MAD2L2: variants seen among roughly 807,000 people sequenced by gnomAD.
MAD2L2 encodes mitotic spindle assembly checkpoint protein MAD2B.
MAD2L2 carries 17 observed loss-of-function variants against 30.5 expected under a neutral mutation model. That is an observed-to-expected ratio of 0.56 (90% CI 0.38 to 0.84). MAD2L2 has a LOEUF of 0.84. Ranked by LOEUF, MAD2L2 falls within the 40% of genes least tolerant of loss-of-function variation. The probability of loss-of-function intolerance (pLI) is 0.00; values close to 1 mark genes in which losing one functional copy is unlikely to be tolerated. For missense variants in MAD2L2, 213 were observed against 277.4 expected (o/e 0.77, Z 1.65); for synonymous variants, 101 against 113.9 (o/e 0.89, Z 0.72).
chr1:11,689,559 G>A (rs1407555457), intron 1 of MAD2L2, among the ~76,000 whole-genome samples: 1 of 152,002 alleles, frequency 6.6e-6, no homozygotes, highest in African/African-American at 2.4e-5. Flanking sequence ...TTGTGCCACT[G>A]CACTCCAGCC....
At chr1:11,683,324 C>T (rs2100715965), upstream of MAD2L2, among the ~76,000 whole-genome samples, 1 of 152,294 alleles carries the variant, frequency 6.6e-6, no homozygotes, top group Non-Finnish European at 1.5e-5. Context: ...GACATAAACT[C>T]AACTGTCATT....
chr1:11,686,774 G>C (rs1640963298), intron 1 of MAD2L2, among the ~76,000 whole-genome samples: 1 of 129,062 alleles, frequency 7.7e-6, no homozygotes, highest in Non-Finnish European at 1.6e-5. Context: ...GGGCCACAAG[G>C]TAAGAACTTT....
rs144707682 is a variant in MAD2L2 at position 11,689,616 on chromosome 1, G to A, written c.-692+1797C>T. On this transcript the variant is annotated intron_variant, in intron 1 of 10. Transcript: ENST00000235310. ...CTCAAAAAGAAAAACAAAAGGCGGG[G>A]GGAGGGGAGAAGCATGAATAATCCA... Among the ~76,000 whole-genome samples, 766 of 152,268 alleles carry A rather than the reference G, an allele frequency of 5.0e-3. 8 individuals are homozygous for A. The highest frequency in any genetic ancestry group is 0.016 in the African/African-American group (653 of 41,552).
Position 11,680,337 on chromosome 1 carries a change from C to G in MAD2L2, c.159+16G>C. On this transcript the variant is annotated intron_variant, in intron 3 of 8. Coordinates refer to ENST00000376692, the MANE Select transcript of MAD2L2 (RefSeq NM_006341.4). ...TCCACCCTGTACCCACTCTGTGGTT[C>G]TGGGACGTGCCTCACCTGGACCGGC... 1 of 1,606,222 alleles carries G rather than the reference C, an allele frequency of 6.2e-7. No homozygotes were observed. Among genetic ancestry groups the G allele is most frequent in the Non-Finnish European group, 8.5e-7 (1 of 1,173,548 alleles).
chr1:11,675,894 A>G (rs1400290319), intron 6 of MAD2L2, 152 bp downstream of exon 6: 2 of 871,404 alleles, frequency 2.3e-6, no homozygotes, highest in Non-Finnish European at 3.9e-6. Flanking sequence ...GAAGCCAGGT[A>G]GAATCAATCA....
At chr1:11,680,255 C>A in intron 3 of MAD2L2, 98 bp downstream of exon 3, 1 of 1,031,180 alleles carries the variant, frequency 9.7e-7, no homozygotes, top group Non-Finnish European at 1.4e-6. Context: ...CTCGGCCTCC[C>A]AAAGTGCTAG....
At chr1:11,677,657 T>C in intron 3 of MAD2L2, 43 bp from the exon 4 acceptor site, 1 of 1,541,570 alleles carries the variant, frequency 6.5e-7, no homozygotes, top group Non-Finnish European at 8.9e-7. Context: ...AAAGCACAGA[T>C]GGGGAAACCA....
intron 4 of MAD2L2, 184 bp downstream of exon 4, chr1:11,677,359 A>G (rs1185149815): frequency 1.6e-6 from 1 of 639,886 alleles, no homozygotes; most frequent in East Asian, 2.7e-5. Flanking sequence ...CATGGCCCGC[A>G]TGCCTTGGGG....
rs2233015 is a variant in MAD2L2, at chr1:11,680,478, G to T, written c.41-7C>A. 5.6e-3 allele frequency: 8,968 copies of T among 1,613,290 alleles called. 90 individuals carry two copies. The highest frequency in any genetic ancestry group is 0.035 in the African/African-American group (2,620 of 74,998). Reference sequence around the variant, plus strand: ...CAGAGCACATCGGCCACCACTGCAGGGGGGCACAAGCCGGTGGCGCGCTCG... The same window carrying T: ...CAGAGCACATCGGCCACCACTGCAGTGGGGCACAAGCCGGTGGCGCGCTCG... On this transcript the variant is annotated splice_polypyrimidine_tract_variant and splice_region_variant and intron_variant, in intron 2 of 8. Coordinates refer to ENST00000376692, the MANE Select transcript of MAD2L2 (RefSeq NM_006341.4).
chr1:11,675,823 A>G, intron 6 of MAD2L2, 92 bp from the exon 7 acceptor site: 1 of 1,113,562 alleles, frequency 9.0e-7, no homozygotes, highest in Non-Finnish European at 1.4e-6. Context: ...CTGGCTCAGC[A>G]GCACCCCCAG....
In MAD2L2 at chr1:11,687,845, C is replaced by T. The variant is rs549868180; in HGVS notation, c.-692+3568G>A. Among the ~76,000 whole-genome samples the T allele has an allele frequency of 6.6e-5, 10 of 152,250 alleles. No homozygotes were observed. Among genetic ancestry groups the T allele is most frequent in the Admixed American group, 1.3e-4 (2 of 15,290 alleles). On this transcript the variant is annotated intron_variant, in intron 1 of 10. Transcript: ENST00000235310. This position sits in a 1 kb window ranked among gnomAD's most constrained non-coding sequence, Gnocchi z 4.1. The stretch of plus-strand genomic sequence containing the variant: ...AAAATACTCCCGTGTATGGATAGAC[C>T]ACATCTGCTTATCCAGTCATCAGTT...
chr1:11,675,484 C>T (rs954110427), intron 7 of MAD2L2, among the ~76,000 whole-genome samples, 174 bp downstream of exon 7: 1 of 152,214 alleles, frequency 6.6e-6, no homozygotes, highest in Non-Finnish European at 1.5e-5. Flanking sequence ...CTGGGCTCCT[C>T]ACTGCCCCAA....
Position 11,674,724 on chromosome 1 carries a change from G to T in MAD2L2, c.*51C>A. 1 of 1,594,528 alleles carries T rather than the reference G, an allele frequency of 6.3e-7. No individual in the cohort carries two copies. The highest frequency in any genetic ancestry group is 8.6e-7 in the Non-Finnish European group (1 of 1,163,272). ...GCCATGCAGCACTGCCCTAGGCGGG[G>T]ATCCCCCAAAGTCTGACAGTTTGGG... On this transcript the variant is annotated 3_prime_UTR_variant, in exon 9 of 9. Transcript: ENST00000376692. The surrounding 1 kb of genome is among the most constrained non-coding windows in gnomAD (Gnocchi z 6.1).
upstream of MAD2L2, chr1:11,682,043 C>G (rs1640888706): frequency 6.6e-6 from 1 of 152,204 alleles, no homozygotes; most frequent in African/African-American, 2.4e-5. Context: ...TAATGACTAA[C>G]ATCGAGCACT....
intron 1 of MAD2L2, 128 bp from the exon 2 acceptor site, chr1:11,680,741 C>A: frequency 7.1e-7 from 1 of 1,415,118 alleles, no homozygotes; most frequent in African/African-American, 1.5e-5. Context: ...TTCGCACAGG[C>A]TCAGGGCAGC....
chr1:11,679,939 G>T (rs1419960961), intron 3 of MAD2L2, among the ~76,000 whole-genome samples: 2 of 151,108 alleles, frequency 1.3e-5, no homozygotes, highest in African/African-American at 2.4e-5. Flanking sequence ...TGGAAGGCAT[G>T]GGCAGGGCCC....
chr1:11,682,431 T>G (rs976686573), upstream of MAD2L2, among the ~76,000 whole-genome samples: 1 of 152,102 alleles, frequency 6.6e-6, no homozygotes, highest in Non-Finnish European at 1.5e-5. Flanking sequence ...CAGCTCATTA[T>G]AGAAGACCTG....
chr1:11,683,835 G>A (rs992477212), upstream of MAD2L2, among the ~76,000 whole-genome samples: 19 of 152,270 alleles, frequency 1.2e-4, no homozygotes, highest in African/African-American at 3.6e-4. Flanking sequence ...GCCAGGTGTG[G>A]TGGCGCATGC....
In MAD2L2 at chr1:11,678,982, G is replaced by A. The variant is rs113235156; in HGVS notation, c.160-1368C>T. On this transcript the variant is annotated intron_variant, in intron 3 of 8. Coordinates refer to ENST00000376692, the MANE Select transcript of MAD2L2 (RefSeq NM_006341.4). The stretch of plus-strand genomic sequence containing the variant: ...AGATCGAGACCAGCCTGGCCAACAC[G>A]GCGAAACCTTGTCTCTACTAAAAAT... Among the ~76,000 whole-genome samples, 394 of 152,188 alleles carry A rather than the reference G, an allele frequency of 2.6e-3. 5 individuals are homozygous for A. The highest frequency in any genetic ancestry group is 8.8e-3 in the African/African-American group (365 of 41,512).
Sources: gnomAD v4.1 joint callset for allele counts (sites outside exome capture counted in the v4.1 genomes callset) on GRCh38, gnomAD v4.1.1 for gene constraint, Gnocchi (gnomAD v3.1) non-coding constraint, MANE v1.5 for transcripts, NCBI Gene and HGNC (gene_info 2026-07-23, HGNC 2026-07-21) for gene names.